The following EPHX2 variants were observed in gnomAD, a reference collection of about 807,000 sequenced individuals.
The protein encoded by EPHX2 is bifunctional epoxide hydrolase 2.
In EPHX2, 74 loss-of-function variants were observed where a neutral mutation model predicts 78.7. The ratio of observed to expected loss-of-function variants is 0.94; its 90% CI spans 0.78 to 1.14. The LOEUF is 1.14. Among genes scored for constraint, EPHX2 ranks in the 50% most tolerant of loss-of-function variants. The probability of loss-of-function intolerance (pLI) is 0.00; values close to 1 mark genes in which losing one functional copy is unlikely to be tolerated. For synonymous variants in EPHX2, 251 were observed against 255.2 expected, an observed-to-expected ratio of 0.98 and a Z score of 0.16; for missense variants, 715 against 702.5, an observed-to-expected ratio of 1.02 and a Z score of -0.20.
intron 12 of EPHX2, among the ~76,000 whole-genome samples, chr8:27,529,457 G>A (rs73679224): frequency 4.6e-5 from 7 of 152,018 alleles, no homozygotes; most frequent in Admixed American, 1.3e-4. Context: ...ATACCAGAAC[G>A]TACCTAGGAT....
intron 12 of EPHX2, among the ~76,000 whole-genome samples, chr8:27,527,942 A>C (rs901901075): frequency 6.6e-6 from 1 of 152,172 alleles, no homozygotes. Context: ...GACCAGGTAC[A>C]TGATTGGGTC....
intron 1 of EPHX2, chr8:27,492,768 T>C (rs1813426777): frequency 6.1e-6 from 1 of 165,200 alleles, no homozygotes; most frequent in African/African-American, 2.4e-5. Context: ...ATGCTGCTGA[T>C]TGTGCGTTTT....
intron 1 of EPHX2, among the ~76,000 whole-genome samples, chr8:27,500,684 A>G (rs549917773): frequency 6.6e-6 from 1 of 152,328 alleles, no homozygotes; most frequent in South Asian, 2.1e-4. Flanking sequence ...AGCTGCTATT[A>G]GGTGGTTTCC....
At chr8:27,522,348 G>T (rs72475885) in intron 10 of EPHX2, 75 bp from the exon 11 acceptor site, 1 of 1,463,754 alleles carries the variant, frequency 6.8e-7, no homozygotes, top group East Asian at 2.3e-5. Context: ...CGAGGGGCTG[G>T]CTGATGGCCG....
At chr8:27,516,242 G>A in intron 7 of EPHX2, 78 bp from the exon 8 acceptor site, 1 of 1,351,320 alleles carries the variant, frequency 7.4e-7, no homozygotes. Flanking sequence ...CAGGAAGAAG[G>A]GGATGGAGGG....
At chr8:27,518,208 A>C (rs1361960580) in intron 9 of EPHX2, 136 bp downstream of exon 9, 1 of 698,706 alleles carries the variant, frequency 1.4e-6, no homozygotes, top group African/African-American at 1.8e-5. Flanking sequence ...TGAAAGTTGA[A>C]CAGTATTTCC....
intron 12 of EPHX2, among the ~76,000 whole-genome samples, chr8:27,534,607 G>A (rs1262239996): frequency 6.6e-6 from 1 of 152,096 alleles, no homozygotes; most frequent in Non-Finnish European, 1.5e-5. Flanking sequence ...TTGCGCTACT[G>A]CACACCAGCC....
At chr8:27,521,131 T>G (rs1814630359) in intron 10 of EPHX2, among the ~76,000 whole-genome samples, 1 of 152,136 alleles carries the variant, frequency 6.6e-6, no homozygotes, top group Admixed American at 6.5e-5. Context: ...ATTTGTCTTT[T>G]AATGAAAGGC....
intron 12 of EPHX2, among the ~76,000 whole-genome samples, chr8:27,531,698 A>G (rs1815047713): frequency 6.6e-6 from 1 of 152,166 alleles, no homozygotes; most frequent in Non-Finnish European, 1.5e-5. Flanking sequence ...GTGGACCTGC[A>G]ATTTGGCTTC....
intron 6 of EPHX2, among the ~76,000 whole-genome samples, chr8:27,513,752 A>G (rs1327851947): frequency 6.6e-6 from 1 of 152,178 alleles, no homozygotes; most frequent in Non-Finnish European, 1.5e-5. Flanking sequence ...CTCAGTATCC[A>G]CAGCTTCATG....
At chr8:27,515,689 C>T (rs72475844) in intron 6 of EPHX2, 29 bp from the exon 7 acceptor site, 23 of 1,601,946 alleles carry the variant, frequency 1.4e-5, no homozygotes, top group African/African-American at 8.0e-5. Context: ...GGTGCTTGGT[C>T]GCTGCCCTCT....
chr8:27,514,367 A>G (rs1440681236), intron 6 of EPHX2, among the ~76,000 whole-genome samples: 1 of 152,210 alleles, frequency 6.6e-6, no homozygotes, highest in Non-Finnish European at 1.5e-5. Flanking sequence ...TCTAACATAC[A>G]GCCAAGTGGA....
chr8:27,497,349 G>C (rs1813608511), intron 1 of EPHX2, among the ~76,000 whole-genome samples: 1 of 152,174 alleles, frequency 6.6e-6, no homozygotes, highest in South Asian at 2.1e-4. Context: ...CTTGTTTCTT[G>C]TTGGACAATC....
In EPHX2 at chr8:27,491,284, A is replaced by T; in HGVS notation, c.76A>T (p.Thr26Ser). 3.2e-6 allele frequency: 5 copies of T among 1,572,980 alleles called. No individual in the cohort carries two copies. Among genetic ancestry groups the T allele is most frequent in the Non-Finnish European group, 4.3e-6 (5 of 1,169,262 alleles). ...AGCGGTGTTCGGCGTCCTCGGCCGC[A>T]CGGAGGAGGCCCTGGCGCTGCCCAG... The part of the protein sequence containing the change: ...LPAVFGVLGR[T>S]EEALALPRGL... The change falls in exon 1 of 19, where the codon ACG (threonine) becomes TCG (serine). Residue 26 changes from threonine (T) to serine (S), a missense_variant. Transcript: ENST00000521400.
Position 27,544,257 on chromosome 8 carries a change from G to T in EPHX2, c.1589+13G>T, listed in dbSNP as rs374511217. ...CACAGATGGACAAGTAAGGAGGTTG[G>T]GGGCTCCTGGGGTCGGGGAGAGCAG... is the stretch of plus-strand genomic sequence containing the variant. On this transcript the variant is annotated intron_variant, in intron 18 of 18. Coordinates refer to ENST00000521400, the MANE Select transcript of EPHX2 (RefSeq NM_001979.6). 2 of 1,613,946 alleles carry T rather than the reference G, an allele frequency of 1.2e-6. No homozygotes were observed. The highest frequency in any genetic ancestry group is 1.7e-6 in the Non-Finnish European group (2 of 1,179,826).
intron 14 of EPHX2, among the ~76,000 whole-genome samples, chr8:27,539,713 A>T (rs1055021331): frequency 6.6e-6 from 1 of 152,202 alleles, no homozygotes; most frequent in Non-Finnish European, 1.5e-5. Context: ...GTCTCACGGG[A>T]GGCAGAGCAG....
At chr8:27,545,650 ACCT>A (rs1815561667), downstream of EPHX2, 1 of 151,368 alleles carries the variant, frequency 6.6e-6, no homozygotes, top group Non-Finnish European at 1.5e-5. Flanking sequence ...TCCTCCTGCC[ACCT>A]CCTCCAAGCC....
intron 12 of EPHX2, among the ~76,000 whole-genome samples, chr8:27,535,477 A>AT (rs1815183478): frequency 6.6e-6 from 1 of 152,058 alleles, no homozygotes; most frequent in African/African-American, 2.4e-5. Flanking sequence ...CCCGGCCAAG[A>AT]TTTTTATTAT....
chr8:27,522,509 G>A lies in EPHX2; in HGVS notation c.1058+1G>A, dbSNP rs980085299. On this transcript the variant is annotated splice_donor_variant, in intron 11 of 18. Transcript: ENST00000521400. LOFTEE classifies it high-confidence loss of function. ...CTCTCTTCTACCCCGAGAGAGTGAG[G>A]TAATTGGGCCTCGGGCAATAAAGAT... 8.7e-6 allele frequency: 14 copies of A among 1,613,722 alleles called. No individual in the cohort carries two copies. The African/African-American group carries it at 1.6e-4, about 18-fold the overall frequency.
Sources: allele counts gnomAD v4.1 joint callset (sites outside exome capture counted in the v4.1 genomes callset), GRCh38; gene constraint gnomAD v4.1.1; transcripts MANE v1.5; gene names NCBI Gene and HGNC (gene_info 2026-07-23, HGNC 2026-07-21).